Variants in MRAP2 observed in about 807,000 individuals in gnomAD.
The protein encoded by MRAP2 is melanocortin-2 receptor accessory protein 2.
A neutral mutation model predicts 17.4 loss-of-function variants in MRAP2; 20 were observed. The observed-to-expected ratio is 1.15, with a 90% CI of 0.81 to 1.67. MRAP2 has a LOEUF of 1.67. Ranked by LOEUF, MRAP2 falls within the 40% of genes most tolerant of loss-of-function variation. MRAP2 has a pLI of 0.00. For missense variants in MRAP2, 238 were observed against 240.0 expected (o/e 0.99, Z 0.05); for synonymous variants, 96 against 88.4 (o/e 1.09, Z -0.48).
At position 84,070,566 on chromosome 6, in the gene MRAP2, T is replaced by C. The variant is rs143212153; in HGVS notation, c.227+7574T>C. On this transcript the variant is annotated intron_variant, in intron 3 of 3. Transcript: ENST00000257776. ...TCCACTGTTGAATAGAATGTGTATTTTGTGGTTGTTGGATGAAATGTTCTG... is the reference window on the plus strand; with the variant it reads ...TCCACTGTTGAATAGAATGTGTATTCTGTGGTTGTTGGATGAAATGTTCTG... Among the ~76,000 whole-genome samples the C allele has an allele frequency of 6.0e-3, 907 of 152,270 alleles. 4 individuals carry two copies. Among genetic ancestry groups the C allele is most frequent in the African/African-American group, 0.021 (875 of 41,556 alleles).
chr6:84,082,219 A>G (rs1032206126), intron 3 of MRAP2, among the ~76,000 whole-genome samples: 20 of 152,226 alleles, frequency 1.3e-4, no homozygotes, highest in Admixed American at 5.2e-4. Context: ...GATCCAGTCT[A>G]TTCTATAGGC....
chr6:84,055,234 G>A lies in MRAP2; in HGVS notation c.-7-78G>A, dbSNP rs143626102. On this transcript the variant is annotated intron_variant, in intron 1 of 3. Transcript: ENST00000257776. ...GGTTTGCTGCCAAACTCCTGAATGC[G>A]ATCAAGAGTAATTAAGGTAACTGTG... 38 of 1,505,652 alleles carry A rather than the reference G, an allele frequency of 2.5e-5. No individual in the cohort carries two copies. The African/African-American group carries it at 2.7e-4, about 11-fold the overall frequency. 93.3% of individuals were successfully genotyped at this position (1,505,652 alleles called of 1,614,324 possible). A position where few individuals can be genotyped will look rare whatever the true frequency, so the allele number is the denominator to read the frequency against.
At chr6:84,037,439 A>G (rs1352417403) in intron 1 of MRAP2, among the ~76,000 whole-genome samples, 1 of 152,228 alleles carries the variant, frequency 6.6e-6, no homozygotes, top group Non-Finnish European at 1.5e-5. Flanking sequence ...CGCCAGGGCC[A>G]TGGGCGGAGC....
At chr6:84,126,320 A>T in the MRAP2 span, 282 of 1,315,062 alleles carry the variant, frequency 2.1e-4, no homozygotes, top group Admixed American at 4.4e-4. Context: ...AACTATAGCA[A>T]ATTAAAGGCA....
chr6:84,033,303 C>A (rs983084559), upstream of MRAP2, among the ~76,000 whole-genome samples: 7 of 152,160 alleles, frequency 4.6e-5, no homozygotes, highest in Non-Finnish European at 1.0e-4. Context: ...CCCTTTGGGA[C>A]CCCGTTTGAA....
At chr6:84,064,529 C>T (rs1315300565) in intron 3 of MRAP2, among the ~76,000 whole-genome samples, 1 of 152,062 alleles carries the variant, frequency 6.6e-6, no homozygotes, top group Admixed American at 6.5e-5. Flanking sequence ...GCTCTGTCAC[C>T]CAGGCTGGAG....
the MRAP2 span, among the ~76,000 whole-genome samples, chr6:84,109,100 T>G: frequency 5.9e-5 from 9 of 152,092 alleles, no homozygotes; most frequent in Non-Finnish European, 8.8e-5. Context: ...TGAAGGCGGG[T>G]AGTGTGATGC....
At position 84,064,592 on chromosome 6, in the gene MRAP2, A is replaced by G. The variant is rs529520946; in HGVS notation, c.227+1600A>G. On this transcript the variant is annotated intron_variant, in intron 3 of 3. Transcript: ENST00000257776. ...AAGCTCCGCCTCCCGGGTTCACGCC[A>G]TTCTCCTGCCTCAGCCTCCCCAGTA... 2.2e-4 allele frequency among the ~76,000 whole-genome samples: 34 copies of G among 152,106 alleles called. No individual in the cohort carries two copies. In the East Asian group the frequency reaches 4.7e-3, roughly 21 times the overall value.
the MRAP2 span, among the ~76,000 whole-genome samples, chr6:84,139,288 T>C: frequency 4.6e-5 from 7 of 152,200 alleles, no homozygotes; most frequent in Non-Finnish European, 5.9e-5. Context: ...CTTTGTAGCC[T>C]AAAAACGACT....
chr6:84,054,314 C>T (rs1467803340), intron 1 of MRAP2, among the ~76,000 whole-genome samples: 2 of 152,208 alleles, frequency 1.3e-5, no homozygotes, highest in East Asian at 3.9e-4. Context: ...TTATTGAACA[C>T]AGGCTGCATT....
At chr6:84,138,969 C>A in the MRAP2 span, among the ~76,000 whole-genome samples, 2 of 152,276 alleles carry the variant, frequency 1.3e-5, no homozygotes, top group African/African-American at 4.8e-5. Context: ...TTGATCTTTT[C>A]ATAATACAAT....
At chr6:84,115,119 G>T in the MRAP2 span, among the ~76,000 whole-genome samples, 1 of 152,198 alleles carries the variant, frequency 6.6e-6, no homozygotes, top group Non-Finnish European at 1.5e-5. Context: ...GAGATCCACA[G>T]CTCTCTTCAG....
At chr6:84,041,230 A>G (rs2099487484) in intron 1 of MRAP2, among the ~76,000 whole-genome samples, 3 of 152,232 alleles carry the variant, frequency 2.0e-5, no homozygotes, top group South Asian at 2.1e-4. Context: ...TGTTGAGCCT[A>G]TGGGTAAACA....
Position 84,089,102 on chromosome 6 carries a change from C to T in MRAP2, c.239C>T (p.Ser80Phe). Residue 80 changes from serine to phenylalanine, a missense_variant, in exon 4 of 4, where the codon TCC becomes TTC. Transcript: ENST00000257776. Reference protein sequence around the residue: ...TGAPHQDNAESSEKRFRMNSF... With the variant: ...TGAPHQDNAEFSEKRFRMNSF... ...CTTTTTTTAAATAGCAATGCAGAGT[C>T]CTCAGAGAAGAGATTCAGAATGAAC... 1.2e-6 allele frequency: 2 copies of T among 1,612,124 alleles called. No individual in the cohort carries two copies. The highest frequency in any genetic ancestry group is 1.7e-6 in the Non-Finnish European group (2 of 1,179,284).
At chr6:84,110,434 GT>G in the MRAP2 span, among the ~76,000 whole-genome samples, 9 of 151,184 alleles carry the variant, frequency 6.0e-5, no homozygotes, top group East Asian at 2.0e-4. Flanking sequence ...TTTTGATGGG[GT>G]TTTTTTTTCT....
chr6:84,127,834 A>T, the MRAP2 span, among the ~76,000 whole-genome samples: 1 of 152,184 alleles, frequency 6.6e-6, no homozygotes, highest in Admixed American at 6.6e-5. Flanking sequence ...ATGGCCAATG[A>T]CTAGTGAGAT....
chr6:84,134,380 C>T, the MRAP2 span, among the ~76,000 whole-genome samples: 79 of 152,188 alleles, frequency 5.2e-4, 1 homozygote, highest in African/African-American at 2.6e-4. Context: ...GCATTCCAGG[C>T]GCCACTGTGG....
At chr6:84,082,866 G>A (rs2099499349) in intron 3 of MRAP2, among the ~76,000 whole-genome samples, 1 of 151,102 alleles carries the variant, frequency 6.6e-6, no homozygotes, top group African/African-American at 2.4e-5. Context: ...GCTAGGACAT[G>A]CCACAGTACC....
intron 2 of MRAP2, among the ~76,000 whole-genome samples, chr6:84,060,428 T>TTCC (rs2099492808): frequency 6.6e-6 from 1 of 152,204 alleles, no homozygotes; most frequent in Non-Finnish European, 1.5e-5. Context: ...AAAGCTGTCC[T>TTCC]TAGGAGAACA....
Sources: allele counts gnomAD v4.1 joint callset (sites outside exome capture counted in the v4.1 genomes callset), GRCh38; gene constraint gnomAD v4.1.1; transcripts MANE v1.5; gene names NCBI Gene and HGNC (gene_info 2026-07-23, HGNC 2026-07-21).